The following HMGCLL1 variants were observed in gnomAD, a reference collection of about 807,000 sequenced individuals.
HMGCLL1 encodes 3-hydroxy-3-methylglutaryl-CoA lyase like 1.
HMGCLL1 carries 36 observed loss-of-function variants against 39.1 expected under a neutral mutation model. The ratio of observed to expected loss-of-function variants is 0.92; its 90% CI spans 0.71 to 1.22. The LOEUF is 1.22. Among genes scored for constraint, HMGCLL1 ranks in the 50% most tolerant of loss-of-function variants. The pLI, the probability that HMGCLL1 is intolerant of heterozygous loss-of-function variation, is 0.00. For missense variants in HMGCLL1, 451 were observed against 416.5 expected (o/e 1.08, Z -0.72); for synonymous variants, 149 against 144.0 (o/e 1.03, Z -0.25).
At chr6:55,620,323 G>C in the HMGCLL1 span, among the ~76,000 whole-genome samples, 1 of 151,848 alleles carries the variant, frequency 6.6e-6, no homozygotes, top group Non-Finnish European at 1.5e-5. Flanking sequence ...AGTGTACCAG[G>C]GTTCCCTTTT....
At chr6:55,436,874 C>T (rs1763391872) in intron 8 of HMGCLL1, among the ~76,000 whole-genome samples, 2 of 151,914 alleles carry the variant, frequency 1.3e-5, no homozygotes. Context: ...AAGTTGTTTT[C>T]AGGATACTAA....
At chr6:55,449,514 T>A (rs1763990827) in intron 7 of HMGCLL1, among the ~76,000 whole-genome samples, 1 of 151,988 alleles carries the variant, frequency 6.6e-6, no homozygotes, top group Non-Finnish European at 1.5e-5. Flanking sequence ...TGTGTTGGAG[T>A]CATTATTCAT....
At chr6:55,488,720 T>C (rs1766169420) in intron 7 of HMGCLL1, among the ~76,000 whole-genome samples, 1 of 152,064 alleles carries the variant, frequency 6.6e-6, no homozygotes, top group East Asian at 1.9e-4. Context: ...TTCCATTGGC[T>C]TTCATTCTTT....
chr6:55,610,285 G>A, the HMGCLL1 span, among the ~76,000 whole-genome samples: 6 of 152,146 alleles, frequency 3.9e-5, no homozygotes, highest in South Asian at 2.1e-4. Flanking sequence ...TAAGTACCAC[G>A]ATAAAAGGTT....
At chr6:55,658,936 G>T in the HMGCLL1 span, among the ~76,000 whole-genome samples, 4 of 151,878 alleles carry the variant, frequency 2.6e-5, no homozygotes, top group African/African-American at 9.7e-5. Context: ...TAAGAAATTT[G>T]TAAAGATCAT....
At chr6:55,513,917 T>A in intron 5 of HMGCLL1, 131 bp downstream of exon 5, 1 of 778,076 alleles carries the variant, frequency 1.3e-6, no homozygotes, top group Non-Finnish European at 2.0e-6. Context: ...GTGATTACCC[T>A]GATTAAACAA....
intron 7 of HMGCLL1, among the ~76,000 whole-genome samples, chr6:55,490,717 C>G (rs1405807961): frequency 6.6e-6 from 1 of 152,072 alleles, no homozygotes; most frequent in African/African-American, 2.4e-5. Flanking sequence ...AGCTCAGAAA[C>G]AGCTTTTTCC....
chr6:55,634,916 T>C, the HMGCLL1 span, among the ~76,000 whole-genome samples: 4 of 152,106 alleles, frequency 2.6e-5, no homozygotes, highest in African/African-American at 9.7e-5. Flanking sequence ...CTAAATACTC[T>C]AAAAGCAACT....
intron 1 of HMGCLL1, among the ~76,000 whole-genome samples, chr6:55,550,415 T>A (rs1283062167): frequency 2.0e-5 from 3 of 151,908 alleles, no homozygotes; most frequent in African/African-American, 7.3e-5. Context: ...GCTCCTGGGA[T>A]TCCTGTGTGA....
At chr6:55,641,785 T>C in the HMGCLL1 span, among the ~76,000 whole-genome samples, 1 of 151,820 alleles carries the variant, frequency 6.6e-6, no homozygotes, top group African/African-American at 2.4e-5. Context: ...ATTGTATTTC[T>C]GTTTTGATGG....
chr6:55,627,900 G>T, the HMGCLL1 span, among the ~76,000 whole-genome samples: 2,183 of 11,232 alleles, frequency 0.19, 329 homozygotes, highest in Middle Eastern at 0.4. Flanking sequence ...TATATATATA[G>T]TATATATACT....
At chr6:55,595,926 G>A in the HMGCLL1 span, among the ~76,000 whole-genome samples, 1 of 152,094 alleles carries the variant, frequency 6.6e-6, no homozygotes, top group African/African-American at 2.4e-5. Context: ...TAGAAATTTT[G>A]GAGCCTTTGT....
chr6:55,623,959 T>G, the HMGCLL1 span, among the ~76,000 whole-genome samples: 1 of 151,972 alleles, frequency 6.6e-6, no homozygotes, highest in Non-Finnish European at 1.5e-5. Context: ...ACTTTATTAA[T>G]TACCTGACCT....
At chr6:55,537,106 T>TC (rs369979093) in intron 3 of HMGCLL1, among the ~76,000 whole-genome samples, 22 of 140,554 alleles carry the variant, frequency 1.6e-4, no homozygotes, top group African/African-American at 5.4e-4. Context: ...AGATTTTTTT[T>TC]CCAAAATAAG....
the HMGCLL1 span, among the ~76,000 whole-genome samples, chr6:55,659,507 GT>G: frequency 6.6e-6 from 1 of 151,870 alleles, no homozygotes; most frequent in Non-Finnish European, 1.5e-5. Flanking sequence ...GGCATAATTG[GT>G]TAATTGCTAG....
the HMGCLL1 span, among the ~76,000 whole-genome samples, chr6:55,648,156 A>T: frequency 1.0e-4 from 14 of 136,524 alleles, no homozygotes; most frequent in African/African-American, 4.0e-4. Flanking sequence ...CATTTTCTTA[A>T]TCCAGTCTAT....
At position 55,537,899 on chromosome 6, in the gene HMGCLL1, A is replaced by G. The variant is rs181561583; in HGVS notation, c.297+3830T>C. Among the ~76,000 whole-genome samples the G allele has an allele frequency of 2.1e-3, 317 of 152,280 alleles. 4 individuals carry two copies. Among genetic ancestry groups the G allele is most frequent in the African/African-American group, 7.4e-3 (306 of 41,564 alleles). ...TTTAAGCCCTAAACTCAACTTGGGA[A>G]CAAACCTAGAATAAATCATATCATT... is the stretch of plus-strand genomic sequence containing the variant. On this transcript the variant is annotated intron_variant, in intron 3 of 8. Coordinates refer to ENST00000274901, the MANE Select transcript of HMGCLL1 (RefSeq NM_001042406.2).
At chr6:55,642,408 A>G in the HMGCLL1 span, among the ~76,000 whole-genome samples, 1 of 152,036 alleles carries the variant, frequency 6.6e-6, no homozygotes, top group Non-Finnish European at 1.5e-5. Flanking sequence ...GGACTGATTA[A>G]CAATAATATA....
chr6:55,560,140 A>T (rs998748860), intron 1 of HMGCLL1, among the ~76,000 whole-genome samples: 19 of 152,138 alleles, frequency 1.2e-4, no homozygotes, highest in Non-Finnish European at 2.8e-4. Context: ...AAGTAACTTA[A>T]ATCAACACTG....
Sources: gnomAD v4.1 joint callset for allele counts (sites outside exome capture counted in the v4.1 genomes callset) on GRCh38, gnomAD v4.1.1 for gene constraint, MANE v1.5 for transcripts, NCBI Gene and HGNC (gene_info 2026-07-23, HGNC 2026-07-21) for gene names.